Variants in UPF3B observed in about 807,000 individuals in gnomAD.
The protein encoded by UPF3B is UPF3B regulator of nonsense mediated mRNA decay, also known as regulator of nonsense transcripts 3B.
A neutral mutation model predicts 40.3 loss-of-function variants in UPF3B; 7 were observed. The observed-to-expected ratio is 0.17, with a 90% CI of 0.10 to 0.33. The LOEUF is 0.33. Among genes scored for constraint, UPF3B ranks in the 10% least tolerant of loss-of-function variants. The pLI, the probability that UPF3B is intolerant of heterozygous loss-of-function variation, is 1.00. For missense variants in UPF3B, 229 were observed against 358.9 expected, an observed-to-expected ratio of 0.64 and a Z score of 2.93; for synonymous variants, 117 against 117.3, an observed-to-expected ratio of 1.00 and a Z score of 0.01.
intron 1 of UPF3B, 134 bp from the exon 2 acceptor site, chrX:119,852,007 T>G (rs1164155526): frequency 4.1e-6 from 2 of 489,968 alleles, no homozygotes; most frequent in Non-Finnish European, 7.1e-6. Context: ...AAAATATTCT[T>G]CTGCAGCCCA....
intron 4 of UPF3B, among the ~76,000 whole-genome samples, chrX:119,844,261 G>A (rs1324235192): frequency 2.7e-5 from 3 of 111,066 alleles, no homozygotes; most frequent in Non-Finnish European, 5.7e-5. Context: ...ATGTTGGCCA[G>A]GCTGGTCTCG....
At chrX:119,833,851 C>A (rs950355333), downstream of UPF3B, among the ~76,000 whole-genome samples, 1 of 112,303 alleles carries the variant, frequency 8.9e-6, no homozygotes, top group African/African-American at 3.2e-5. Flanking sequence ...TTATTTAGAA[C>A]CAGCTCTTAC....
At chrX:119,823,390 G>A (rs899909977) in intron 3 of UPF3B, among the ~76,000 whole-genome samples, 39 of 110,357 alleles carry the variant, frequency 3.5e-4, no homozygotes, top group African/African-American at 8.6e-4. Flanking sequence ...TCGCAGGCCC[G>A]TGCTACCACA....
chrX:119,841,615 AG>A, intron 6 of UPF3B, 119 bp downstream of exon 6: 1 of 731,843 alleles, frequency 1.4e-6, no homozygotes, highest in Non-Finnish European at 2.1e-6. Context: ...AAATCCTTAA[AG>A]AGTAATGGTG....
chrX:119,844,801 C>G (rs912817070), intron 4 of UPF3B, among the ~76,000 whole-genome samples: 1 of 111,301 alleles, frequency 9.0e-6, no homozygotes, highest in Non-Finnish European at 1.9e-5. Context: ...CAGGGTTTCT[C>G]CATGTTGGTC....
Position 119,841,153 on chromosome X carries a change from T to C in UPF3B, c.730A>G (p.Arg244Gly). 8.4e-7 allele frequency: 1 copy of C among 1,197,073 alleles called. No homozygotes were observed. The highest frequency in any genetic ancestry group is 1.1e-6 in the Non-Finnish European group (1 of 883,393). Residue 244 changes from arginine to glycine, a missense_variant, in exon 7 of 11, where the codon AGG becomes GGG. Transcript: ENST00000276201. ...RKWKEEEKRK[R>G]KDIEKLKKID... ...TTCTTTAGCTTTTCTATATCTTTCC[T>C]TTTTCGTTTCTCTTCTTCTTTCCAT...
chrX:119,838,601 A>G, intron 8 of UPF3B, 74 bp from the exon 9 acceptor site: 1 of 1,066,590 alleles, frequency 9.4e-7, no homozygotes, highest in African/African-American at 1.8e-5. Flanking sequence ...AGTATACCAA[A>G]TATTTAAAAT....
chrX:119,837,678 C>A, intron 10 of UPF3B, 79 bp downstream of exon 10: 30 of 827,134 alleles, frequency 3.6e-5, no homozygotes, highest in Non-Finnish European at 4.6e-5. Context: ...TCTATAATAA[C>A]AGTGCCCTTT....
At chrX:119,814,859 C>CTTTTTTTTTTTT (rs140201169) in intron 5 of UPF3B, among the ~76,000 whole-genome samples, 7 of 46,257 alleles carry the variant, frequency 1.5e-4, no homozygotes, top group East Asian at 9.0e-4. Context: ...TTCTTTCTTT[C>CTTTTTTTTTTTT]TTTTTTTTTT....
At position 119,837,881 on chromosome X, in the gene UPF3B, A is replaced by G. The variant is rs1318649861; in HGVS notation, c.1178T>C (p.Met393Thr). Residue 393 changes from methionine (M) to threonine (T), a missense_variant, in exon 10 of 11, where the codon ATG becomes ACG. Coordinates refer to ENST00000276201, the MANE Select transcript of UPF3B (RefSeq NM_080632.3). ...CCGAAGTGTGTCTTTCTCTTTTTTCATTTCTTCTTCTTTTCTCTTAAAAGT... is the reference window on the plus strand; with the variant it reads ...CCGAAGTGTGTCTTTCTCTTTTTTCGTTTCTTCTTCTTTTCTCTTAAAAGT... ...EKTFKRKEEE[M>T]KKEKDTLRDK... is the part of the protein sequence containing the mutation. The G allele has an allele frequency of 8.3e-7, 1 of 1,207,740 alleles. No individual in the cohort carries two copies. Among genetic ancestry groups the G allele is most frequent in the South Asian group, 1.8e-5 (1 of 56,631 alleles).
At chrX:119,835,158 G>T in intron 10 of UPF3B, 131 bp from the exon 11 acceptor site, 1 of 724,560 alleles carries the variant, frequency 1.4e-6, no homozygotes, top group Non-Finnish European at 2.1e-6. Context: ...GTGAGGGCAC[G>T]GTAAATGACA....
Position 119,838,355 on chromosome X carries a change from T to C in UPF3B, c.1007+12A>G, listed in dbSNP as rs761614224. 10 of 1,208,646 alleles carry C rather than the reference T, an allele frequency of 8.3e-6. No homozygotes were observed. The highest frequency in any genetic ancestry group is 1.7e-5 in the African/African-American group (1 of 57,301). ...ATAAATCAAACATAACAAAGAGTCCTTGACTACTGACCTCTTTGGTTTTTC... is the reference window on the plus strand; with the variant it reads ...ATAAATCAAACATAACAAAGAGTCCCTGACTACTGACCTCTTTGGTTTTTC... On this transcript the variant is annotated intron_variant, in intron 9 of 10. Transcript: ENST00000276201.
chrX:119,837,819 C>G lies in UPF3B; in HGVS notation c.1240G>C (p.Gly414Arg), dbSNP rs2056115993. Reference sequence around the variant, plus strand: ...TTCTTTTCAGTTTTTTCTGAGCTGCCTATTGATTCTGTACTTTCAGCCTTC... The same window carrying G: ...TTCTTTTCAGTTTTTTCTGAGCTGCGTATTGATTCTGTACTTTCAGCCTTC... Reference protein sequence around the residue: ...GKKAESTESIGSSEKTEKKEE... With the variant: ...GKKAESTESIRSSEKTEKKEE... The change falls in exon 10 of 11, where the codon GGC becomes CGC. Residue 414 changes from glycine (G) to arginine (R), a missense_variant. This residue lies in a region of UPF3B where 119 missense variants were observed against 153.8 expected (regional missense o/e 0.77). Transcript: ENST00000276201. The G allele has an allele frequency of 8.3e-7, 1 of 1,208,032 alleles. No individual in the cohort carries two copies. The highest frequency in any genetic ancestry group is 2.2e-5 in the Admixed American group (1 of 45,362).
At chrX:119,814,815 A>G (rs2055849223) in intron 5 of UPF3B, among the ~76,000 whole-genome samples, 1 of 109,627 alleles carries the variant, frequency 9.1e-6, no homozygotes, top group African/African-American at 3.3e-5. Context: ...TTTGAGGCAA[A>G]ACTTACTCCT....
Position 119,838,579 on chromosome X carries a change from T to C in UPF3B, c.847-52A>G, listed in dbSNP as rs773247687. 24 of 1,139,212 alleles carry C rather than the reference T, an allele frequency of 2.1e-5. No homozygotes were observed. In the East Asian group the frequency reaches 6.6e-4, roughly 31 times the overall value. 93.9% of individuals were successfully genotyped at this position (1,139,212 alleles called of 1,213,427 possible). A position where few individuals can be genotyped will look rare whatever the true frequency, so the allele number is the denominator to read the frequency against. The stretch of plus-strand genomic sequence containing the variant: ...TTTTGAAGGCTGGGACACTATCTTC[T>C]ATTAAAAACCCAGTATACCAAATAT... On this transcript the variant is annotated intron_variant, in intron 8 of 10. Coordinates refer to ENST00000276201, the MANE Select transcript of UPF3B (RefSeq NM_080632.3).
At chrX:119,833,665 C>T (rs1007778004), downstream of UPF3B, among the ~76,000 whole-genome samples, 2 of 111,799 alleles carry the variant, frequency 1.8e-5, no homozygotes, top group Non-Finnish European at 3.8e-5. Flanking sequence ...CACCACCACG[C>T]CCAGATAATT....
downstream of UPF3B, among the ~76,000 whole-genome samples, chrX:119,829,081 G>A (rs1359219290): frequency 9.0e-6 from 1 of 111,372 alleles, no homozygotes; most frequent in East Asian, 2.8e-4. Flanking sequence ...GAGTGCAGTG[G>A]CACAATCTCG....
At chrX:119,818,372 G>A (rs765168141) in intron 4 of UPF3B, among the ~76,000 whole-genome samples, 1 of 111,988 alleles carries the variant, frequency 8.9e-6, no homozygotes, top group Non-Finnish European at 1.9e-5. Flanking sequence ...CAAGGCGGGC[G>A]GGTCATCTGA....
At position 119,852,055 on chromosome X, in the gene UPF3B, T is replaced by TA. The variant is rs111728508; in HGVS notation, c.157-183dup. Among the ~76,000 whole-genome samples the TA allele has an allele frequency of 0.049, 5,404 of 110,733 alleles. 121 individuals are homozygous for TA. The highest frequency in any genetic ancestry group is 0.15 in the East Asian group (520 of 3,493). ...AGTCAAACATAATAGTAACGCGGTT[T>TA]AAAAAAACCCTTGGAAATGAGAACC... On this transcript the variant is annotated intron_variant, in intron 1 of 10. Coordinates refer to ENST00000276201, the MANE Select transcript of UPF3B (RefSeq NM_080632.3).
Sources: gnomAD v4.1 joint callset for allele counts (sites outside exome capture counted in the v4.1 genomes callset) on GRCh38, gnomAD v4.1.1 for gene constraint, gnomAD v4.1.1 regional missense constraint, MANE v1.5 for transcripts, NCBI Gene and HGNC (gene_info 2026-07-23, HGNC 2026-07-21) for gene names.